KCNQ1: variants seen among roughly 807,000 people sequenced by gnomAD.
KCNQ1 encodes the protein potassium voltage-gated channel subfamily KQT member 1.
KCNQ1 carries 49 observed loss-of-function variants against 72.4 expected under a neutral mutation model. That is an observed-to-expected ratio of 0.68 (90% CI 0.54 to 0.86). KCNQ1 has a LOEUF of 0.86. KCNQ1 is among the 40% of genes least tolerant of loss of function. The pLI, the probability that KCNQ1 is intolerant of heterozygous loss-of-function variation, is 0.00. For synonymous variants in KCNQ1, 450 were observed against 412.6 expected (o/e 1.09, Z -1.10); for missense variants, 790 against 945.1 (o/e 0.84, Z 2.15).
chr11:2,676,731 G>C lies in KCNQ1; in HGVS notation c.1514+14650G>C, dbSNP rs1256327913. ...AGATAACCAAGTCATATGCATAGTG[G>C]CTTTGGGTACGATGGTCTGCTGTAT... On this transcript the variant is annotated intron_variant, in intron 11 of 15. Transcript: ENST00000155840. This position sits in a 1 kb window ranked among gnomAD's most constrained non-coding sequence, Gnocchi z 4.2. The C allele has an allele frequency of 2.5e-6, 1 of 398,536 alleles. No individual in the cohort carries two copies. The highest frequency in any genetic ancestry group is 3.6e-5 in the East Asian group (1 of 28,094). 24.7% of individuals were successfully genotyped at this position (398,536 alleles called of 1,614,324 possible).
At chr11:2,822,299 G>A (rs1847753601) in intron 15 of KCNQ1, among the ~76,000 whole-genome samples, 1 of 152,204 alleles carries the variant, frequency 6.6e-6, no homozygotes, top group Non-Finnish European at 1.5e-5. Flanking sequence ...GTGGTAACAT[G>A]GCACCACAGT....
chr11:2,656,907 G>A, intron 10 of KCNQ1: 1 of 398,586 alleles, frequency 2.5e-6, no homozygotes, highest in Admixed American at 4.4e-5. Flanking sequence ...TATGATGTGA[G>A]GTAATTAAGG....
At position 2,494,743 on chromosome 11, in the gene KCNQ1, A is replaced by G. The variant is rs773275753; in HGVS notation, c.387-33185A>G. ...GATGTGCTGCTGGATTCAGTTTGCC[A>G]GTATTTTATTGAAGATTTTTGCATC... On this transcript the variant is annotated intron_variant, in intron 1 of 15. Coordinates refer to ENST00000155840, the MANE Select transcript of KCNQ1 (RefSeq NM_000218.3). This position sits in a 1 kb window ranked among gnomAD's most constrained non-coding sequence, Gnocchi z 4.6. 6.6e-6 allele frequency among the ~76,000 whole-genome samples: 1 copy of G among 152,210 alleles called. No homozygotes were observed. The highest frequency in any genetic ancestry group is 1.5e-5 in the Non-Finnish European group (1 of 68,038).
chr11:2,500,871 T>C (rs1322315568), intron 1 of KCNQ1, among the ~76,000 whole-genome samples: 1 of 2,046 alleles, frequency 4.9e-4, no homozygotes, highest in East Asian at 9.1e-3. Context: ...CCGGGGTCTG[T>C]TGGGGGGTGG....
At chr11:2,568,616 G>A (rs1376449748) in intron 2 of KCNQ1, among the ~76,000 whole-genome samples, 1 of 152,228 alleles carries the variant, frequency 6.6e-6, no homozygotes, top group African/African-American at 2.4e-5. Context: ...CCCTAGGCCG[G>A]CTCATTGGAA....
intron 15 of KCNQ1, among the ~76,000 whole-genome samples, chr11:2,789,569 C>T (rs913123668): frequency 6.6e-6 from 1 of 152,202 alleles, no homozygotes; most frequent in South Asian, 2.1e-4. Flanking sequence ...TGCCAAGGAA[C>T]GTGATCGCAT....
chr11:2,735,115 C>T lies in KCNQ1; in HGVS notation c.1515-33729C>T, dbSNP rs1327635048. Among the ~76,000 whole-genome samples the T allele has an allele frequency of 1.3e-5, 2 of 152,156 alleles. No individual in the cohort carries two copies. Among genetic ancestry groups the T allele is most frequent in the African/African-American group, 2.4e-5 (1 of 41,434 alleles). The stretch of plus-strand genomic sequence containing the variant: ...CAGCGCGCATCTGGCTTACATTGAA[C>T]TCCCCCATAAAACGTGTGAAACCTG... On this transcript the variant is annotated intron_variant, in intron 11 of 15. Transcript: ENST00000155840. The surrounding 1 kb of genome is among the most constrained non-coding windows in gnomAD (Gnocchi z 7.7).
intron 2 of KCNQ1, among the ~76,000 whole-genome samples, chr11:2,558,882 G>A (rs1343577655): frequency 1.3e-5 from 2 of 152,142 alleles, no homozygotes; most frequent in South Asian, 4.1e-4. Context: ...CCAAGAATGT[G>A]CTAGGCCCAG....
chr11:2,847,822 T>C lies in KCNQ1; in HGVS notation c.1850T>C (p.Leu617Pro). The C allele has an allele frequency of 6.4e-7, 1 of 1,568,926 alleles. No individual in the cohort carries two copies. Among genetic ancestry groups the C allele is most frequent in the Non-Finnish European group, 8.6e-7 (1 of 1,156,652 alleles). ...ATCACCGACATGCTTCACCAGCTGCTCTCCTTGCACGGTGGCAGCACCCCC... is the reference window on the plus strand; with the variant it reads ...ATCACCGACATGCTTCACCAGCTGCCCTCCTTGCACGGTGGCAGCACCCCC... ...ALITDMLHQL[L>P]SLHGGSTPGS... The change falls in exon 16 of 16, where the codon CTC (leucine) becomes CCC (proline). Residue 617 changes from leucine to proline, a missense_variant. Leu to Pro is a moderately conservative substitution (Grantham distance 98). Transcript: ENST00000155840.
At chr11:2,738,506 T>C (rs1192982606) in intron 11 of KCNQ1, among the ~76,000 whole-genome samples, 3 of 152,170 alleles carry the variant, frequency 2.0e-5, no homozygotes, top group Non-Finnish European at 2.9e-5. Context: ...GCAGAGACCC[T>C]GGCCAGAGCC....
rs1317729415 is a variant in KCNQ1 at position 2,674,417 on chromosome 11, G to A, written c.1514+12336G>A. The A allele has an allele frequency of 6.6e-5, 13 of 197,872 alleles. No homozygotes were observed. Among genetic ancestry groups the A allele is most frequent in the African/African-American group, 4.8e-5 (2 of 41,448 alleles). The allele number at this position is 197,872 out of a possible 1,614,324, so 12.3% of individuals were successfully genotyped here. A position where few individuals can be genotyped will look rare whatever the true frequency, so the allele number is the denominator to read the frequency against. ...CGTGCGTGTGTGTGTGCGCGCCCGC[G>A]CGCACACGACCACAGAGGCTGGGGG... On this transcript the variant is annotated intron_variant, in intron 11 of 15. Coordinates refer to ENST00000155840, the MANE Select transcript of KCNQ1 (RefSeq NM_000218.3). This position sits in a 1 kb window ranked among gnomAD's most constrained non-coding sequence, Gnocchi z 5.9.
At position 2,630,260 on chromosome 11, in the gene KCNQ1, T is replaced by A; in HGVS notation, c.1394-31701T>A. The A allele has an allele frequency of 7.5e-6, 3 of 398,328 alleles. No individual in the cohort carries two copies. The East Asian group carries it at 1.1e-4, about 14-fold the overall frequency. 24.7% of individuals were successfully genotyped at this position (398,328 alleles called of 1,614,324 possible). A position where few individuals can be genotyped will look rare whatever the true frequency, so the allele number is the denominator to read the frequency against. Reference sequence around the variant, plus strand: ...ACTGTCCTTATGTACTAAGGATAAATCCCATGTTTGTGATATATGATTTTT... The same window carrying A: ...ACTGTCCTTATGTACTAAGGATAAAACCCATGTTTGTGATATATGATTTTT... On this transcript the variant is annotated intron_variant, in intron 10 of 15. Coordinates refer to ENST00000155840, the MANE Select transcript of KCNQ1 (RefSeq NM_000218.3).
chr11:2,662,123 C>T (rs374710321), intron 11 of KCNQ1, 42 bp downstream of exon 11: 32 of 1,613,288 alleles, frequency 2.0e-5, no homozygotes, highest in Non-Finnish European at 2.6e-5. Context: ...CTGGAGGGGA[C>T]TGGAGCTCAA....
At chr11:2,576,123 G>A (rs1262847078) in intron 6 of KCNQ1, among the ~76,000 whole-genome samples, 1 of 152,188 alleles carries the variant, frequency 6.6e-6, no homozygotes, top group Admixed American at 6.5e-5. Context: ...TCCAAATATC[G>A]CATTCTGTGG....
Position 2,653,075 on chromosome 11 carries a change from C to T in KCNQ1, c.1394-8886C>T, listed in dbSNP as rs1849782310. ...TTCCATAATTTGCATCAAACATCCT[C>T]ATACAGCAGGGTGTGGAGAGAGGCT... On this transcript the variant is annotated intron_variant, in intron 10 of 15. Transcript: ENST00000155840. The surrounding 1 kb of genome is among the most constrained non-coding windows in gnomAD (Gnocchi z 5.3). 7.5e-6 allele frequency: 3 copies of T among 398,612 alleles called. No individual in the cohort carries two copies. The highest frequency in any genetic ancestry group is 2.1e-5 in the African/African-American group (1 of 48,644). 24.7% of individuals were successfully genotyped at this position (398,612 alleles called of 1,614,324 possible).
At position 2,657,669 on chromosome 11, in the gene KCNQ1, C is replaced by G. The variant is rs1329793851; in HGVS notation, c.1394-4292C>G. ...TATTTGGATTTCCCCAGTTTAACTA[C>G]TAATGTCCTTTTTCTGTTCCAAGAT... On this transcript the variant is annotated intron_variant, in intron 10 of 15. Coordinates refer to ENST00000155840, the MANE Select transcript of KCNQ1 (RefSeq NM_000218.3). The surrounding 1 kb of genome is among the most constrained non-coding windows in gnomAD (Gnocchi z 4.8). The G allele has an allele frequency of 2.5e-6, 1 of 398,508 alleles. No individual in the cohort carries two copies. Among genetic ancestry groups the G allele is most frequent in the African/African-American group, 2.1e-5 (1 of 48,642 alleles). The allele number at this position is 398,508 out of a possible 1,614,324, so 24.7% of individuals were successfully genotyped here.
At chr11:2,540,399 G>A (rs569318612) in intron 2 of KCNQ1, among the ~76,000 whole-genome samples, 1 of 152,348 alleles carries the variant, frequency 6.6e-6, no homozygotes, top group African/African-American at 2.4e-5. Flanking sequence ...CAGGAGCCAC[G>A]GCTCGAGCAC....
intron 11 of KCNQ1, chr11:2,689,757 C>T (rs1850558346): frequency 2.5e-6 from 1 of 398,690 alleles, no homozygotes; most frequent in Non-Finnish European, 4.4e-6. Flanking sequence ...TTACAGGAGA[C>T]TGATGGGTTC....
chr11:2,648,981 C>CTTTTTTTTTTTTTTTTTT, intron 10 of KCNQ1: 24 of 213,300 alleles, frequency 1.1e-4, no homozygotes, highest in Admixed American at 3.9e-4. Context: ...TTTTCTTTTT[C>CTTTTTTTTTTTTTTTTTT]TTTTTTTTTT....
Sources: allele counts gnomAD v4.1 joint callset (sites outside exome capture counted in the v4.1 genomes callset), GRCh38; gene constraint gnomAD v4.1.1; non-coding constraint Gnocchi (gnomAD v3.1); transcripts MANE v1.5; gene names NCBI Gene and HGNC (gene_info 2026-07-23, HGNC 2026-07-21).